Variants in BMPR1A observed in about 807,000 individuals in gnomAD.
BMPR1A encodes bone morphogenetic protein receptor type 1A.
A neutral mutation model predicts 66.0 loss-of-function variants in BMPR1A; 7 were observed. The ratio of observed to expected loss-of-function variants is 0.11; its 90% CI spans 0.06 to 0.20. BMPR1A has a LOEUF of 0.20. BMPR1A is among the 10% of genes least tolerant of loss of function. BMPR1A has a pLI of 1.00. For synonymous variants in BMPR1A, 200 were observed against 229.7 expected (o/e 0.87, Z 1.17); for missense variants, 408 against 669.1 (o/e 0.61, Z 4.31).
chr10:86,861,838 A>G (rs1331428991), intron 2 of BMPR1A, among the ~76,000 whole-genome samples: 1 of 152,206 alleles, frequency 6.6e-6, no homozygotes, highest in Non-Finnish European at 1.5e-5. Context: ...GAGCAAAAGG[A>G]AGTGGTGTGG....
rs192535981 is a variant in BMPR1A at position 86,819,615 on chromosome 10, T to C, written c.-267-19250T>C. On this transcript the variant is annotated intron_variant, in intron 1 of 12. Transcript: ENST00000372037. ...TGCCCGGCCACAACTTGAATTTTCATAGCAAACTAGTTTTTATTGTCAAAT... is the reference window on the plus strand; with the variant it reads ...TGCCCGGCCACAACTTGAATTTTCACAGCAAACTAGTTTTTATTGTCAAAT... Among the ~76,000 whole-genome samples, 125 of 152,336 alleles carry C rather than the reference T, an allele frequency of 8.2e-4. 1 individual carries two copies. Among genetic ancestry groups the C allele is most frequent in the Non-Finnish European group, 1.6e-3 (109 of 68,028 alleles).
At chr10:86,782,828 A>AT (rs1841457931) in intron 1 of BMPR1A, among the ~76,000 whole-genome samples, 1 of 151,784 alleles carries the variant, frequency 6.6e-6, no homozygotes, top group Non-Finnish European at 1.5e-5. Context: ...CCTTGGTTTC[A>AT]TTCTGGTTTT....
intron 1 of BMPR1A, among the ~76,000 whole-genome samples, chr10:86,795,623 A>T (rs1243243901): frequency 6.6e-6 from 1 of 152,282 alleles, no homozygotes; most frequent in South Asian, 2.1e-4. Flanking sequence ...TGCATTTGCC[A>T]CTATGTCTTC....
At chr10:86,864,842 CA>C (rs1481484834) in intron 2 of BMPR1A, among the ~76,000 whole-genome samples, 1 of 152,120 alleles carries the variant, frequency 6.6e-6, no homozygotes, top group Non-Finnish European at 1.5e-5. Context: ...TTTCTTCTAA[CA>C]ATCCCACAAT....
intron 5 of BMPR1A, 144 bp from the exon 6 acceptor site, chr10:86,899,650 A>G (rs1843276910): frequency 1.2e-6 from 1 of 845,534 alleles, no homozygotes; most frequent in East Asian, 2.7e-5. Flanking sequence ...ACAAATTTTA[A>G]TCTTTCAATA....
At chr10:86,799,911 T>C in intron 1 of BMPR1A, among the ~76,000 whole-genome samples, 1 of 152,216 alleles carries the variant, frequency 6.6e-6, no homozygotes, top group Middle Eastern at 3.2e-3. Context: ...AGATGTTTAA[T>C]GGCAGTTGTT....
intron 1 of BMPR1A, among the ~76,000 whole-genome samples, chr10:86,831,380 T>C (rs1277693938): frequency 6.6e-6 from 1 of 152,210 alleles, no homozygotes; most frequent in Non-Finnish European, 1.5e-5. Flanking sequence ...AATGACTATG[T>C]AGTGTTTAAT....
intron 12 of BMPR1A, 29 bp from the exon 13 acceptor site, chr10:86,923,565 T>C (rs762818610): frequency 1.2e-6 from 2 of 1,614,132 alleles, no homozygotes; most frequent in East Asian, 2.2e-5. Context: ...ATATATTCTC[T>C]GCTCACTGAA....
chr10:86,878,835 G>T (rs1004470335), intron 3 of BMPR1A, among the ~76,000 whole-genome samples: 5 of 152,182 alleles, frequency 3.3e-5, no homozygotes, highest in African/African-American at 9.7e-5. Flanking sequence ...CTAGGGCTGG[G>T]TGTGTTGTTC....
intron 9 of BMPR1A, among the ~76,000 whole-genome samples, 184 bp downstream of exon 9, chr10:86,917,510 T>C (rs1319214154): frequency 6.6e-6 from 1 of 152,236 alleles, no homozygotes; most frequent in Non-Finnish European, 1.5e-5. Context: ...CTTTCTTTAC[T>C]AACCAGCTGA....
At chr10:86,837,247 CTGTGTGTGTG>C (rs71019433) in intron 1 of BMPR1A, among the ~76,000 whole-genome samples, 1 of 138,216 alleles carries the variant, frequency 7.2e-6, no homozygotes, top group Admixed American at 7.0e-5. Flanking sequence ...GTGTGTGTGT[CTGTGTGTGTG>C]TGTGTGTGTG....
intron 1 of BMPR1A, among the ~76,000 whole-genome samples, chr10:86,793,365 G>GT (rs34602581): frequency 0.048 from 6,778 of 141,492 alleles, 455 homozygotes; most frequent in African/African-American, 0.15. Context: ...CTCACTGACA[G>GT]TTTTTTTTTT....
chr10:86,889,826 A>G (rs2133393045), intron 3 of BMPR1A: 1 of 521,964 alleles, frequency 1.9e-6, no homozygotes, highest in Non-Finnish European at 3.4e-6. Flanking sequence ...GTCTTTCACT[A>G]GTGCAAAAAT....
chr10:86,853,060 A>C (rs1259458051), intron 2 of BMPR1A, among the ~76,000 whole-genome samples: 2 of 152,224 alleles, frequency 1.3e-5, no homozygotes, highest in Admixed American at 1.3e-4. Context: ...GAGGATATAA[A>C]AGGAAGATAC....
chr10:86,850,704 T>TC (rs1842554509), intron 2 of BMPR1A, among the ~76,000 whole-genome samples: 1 of 152,128 alleles, frequency 6.6e-6, no homozygotes, highest in Non-Finnish European at 1.5e-5. Context: ...TGATCATGAC[T>TC]CACCACAGCC....
intron 4 of BMPR1A, among the ~76,000 whole-genome samples, chr10:86,891,662 CT>C (rs999687928): frequency 6.6e-6 from 1 of 151,690 alleles, no homozygotes; most frequent in South Asian, 2.1e-4. Flanking sequence ...TTTTAGTCCC[CT>C]TTTTTTTGGT....
Position 86,917,129 on chromosome 10 carries a change from T to C in BMPR1A, c.676-5T>C, listed in dbSNP as rs200537780. 1,697 of 1,613,968 alleles carry C rather than the reference T, an allele frequency of 1.1e-3. 27 individuals are homozygous for C. The South Asian group carries it at 0.017, about 17-fold the overall frequency. On this transcript the variant is annotated splice_region_variant and splice_polypyrimidine_tract_variant and intron_variant, in intron 8 of 12. Coordinates refer to ENST00000372037, the MANE Select transcript of BMPR1A (RefSeq NM_004329.3). ...AGCTCAAACCTTTTACTTTTTTCTATAAAGGTTCAGCGAACTATTGCCAAA... is the reference window on the plus strand; with the variant it reads ...AGCTCAAACCTTTTACTTTTTTCTACAAAGGTTCAGCGAACTATTGCCAAA...
intron 5 of BMPR1A, among the ~76,000 whole-genome samples, chr10:86,894,751 T>G (rs1843201438): frequency 6.6e-6 from 1 of 152,244 alleles, no homozygotes; most frequent in African/African-American, 2.4e-5. Flanking sequence ...TTTAGCACAA[T>G]TAGCACATAG....
intron 1 of BMPR1A, among the ~76,000 whole-genome samples, chr10:86,804,047 T>C (rs1841850214): frequency 6.6e-6 from 1 of 152,236 alleles, no homozygotes; most frequent in African/African-American, 2.4e-5. Context: ...GTTTTGTTAA[T>C]ACATACACAG....
Sources: gnomAD v4.1 joint callset for allele counts (sites outside exome capture counted in the v4.1 genomes callset) on GRCh38, gnomAD v4.1.1 for gene constraint, MANE v1.5 for transcripts, NCBI Gene and HGNC (gene_info 2026-07-23, HGNC 2026-07-21) for gene names.